The following ACTR3C variants were observed in gnomAD, a reference collection of about 807,000 sequenced individuals.
ACTR3C encodes actin related protein 3C, also known as actin-related protein 3C.
A neutral mutation model predicts 26.3 loss-of-function variants in ACTR3C; 18 were observed. The observed-to-expected ratio is 0.68, with a 90% CI of 0.47 to 1.01. ACTR3C has a LOEUF of 1.01. Ranked by LOEUF, ACTR3C falls within the 50% of genes least tolerant of loss-of-function variation. The probability of loss-of-function intolerance (pLI) is 0.00; values close to 1 mark genes in which losing one functional copy is unlikely to be tolerated. For synonymous variants in ACTR3C, 55 were observed against 94.5 expected, an observed-to-expected ratio of 0.58 and a Z score of 2.42; for missense variants, 184 against 250.7, an observed-to-expected ratio of 0.73 and a Z score of 1.80.
chr7:150,164,786 C>A, the ACTR3C span, among the ~76,000 whole-genome samples: 1,895 of 152,192 alleles, frequency 0.012, 32 homozygotes, highest in African/African-American at 0.043. Context: ...AGACAGAATT[C>A]TCATTTGGAA....
At chr7:150,034,280 G>A in the ACTR3C span, among the ~76,000 whole-genome samples, 146 of 151,634 alleles carry the variant, frequency 9.6e-4, no homozygotes, top group South Asian at 0.03. Context: ...GTTTAGAGAC[G>A]TAGGCTACCG....
At chr7:150,256,125 A>T (rs1325872510) in intron 6 of ACTR3C, among the ~76,000 whole-genome samples, 1 of 152,238 alleles carries the variant, frequency 6.6e-6, no homozygotes, top group Non-Finnish European at 1.5e-5. Flanking sequence ...ATGACAGTGT[A>T]GTATTCCATG....
the ACTR3C span, among the ~76,000 whole-genome samples, chr7:150,179,375 T>C: frequency 7.9e-6 from 1 of 125,980 alleles, no homozygotes; most frequent in East Asian, 2.3e-4. Flanking sequence ...CCGTAAGAAA[T>C]ACCCTTTCAG....
At chr7:150,155,024 G>A in the ACTR3C span, among the ~76,000 whole-genome samples, 3 of 152,132 alleles carry the variant, frequency 2.0e-5, no homozygotes, top group Non-Finnish European at 4.4e-5. Context: ...AAGAAGAATC[G>A]ACCTGGCTGG....
chr7:150,273,257 T>G (rs1383338879), intron 6 of ACTR3C, among the ~76,000 whole-genome samples: 1 of 138,328 alleles, frequency 7.2e-6, no homozygotes, highest in Admixed American at 7.1e-5. Flanking sequence ...CTGCTTTATT[T>G]CACTGCTTAT....
intron 6 of ACTR3C, among the ~76,000 whole-genome samples, chr7:150,253,133 C>T (rs968919268): frequency 1.1e-4 from 16 of 152,050 alleles, no homozygotes; most frequent in African/African-American, 3.9e-4. Flanking sequence ...TCTGCCCACG[C>T]CGTGTAAAGA....
At chr7:150,041,337 T>C in the ACTR3C span, 1 of 151,034 alleles carries the variant, frequency 6.6e-6, no homozygotes, top group African/African-American at 2.5e-5. Context: ...AGATTGCAAA[T>C]AACCTGCTTT....
the ACTR3C span, among the ~76,000 whole-genome samples, chr7:150,205,609 T>G: frequency 2.6e-5 from 4 of 152,142 alleles, no homozygotes; most frequent in Non-Finnish European, 4.4e-5. Flanking sequence ...ACAGTAACAC[T>G]TCCATTCTGC....
At chr7:150,036,674 G>A in the ACTR3C span, among the ~76,000 whole-genome samples, 3 of 139,622 alleles carry the variant, frequency 2.1e-5, no homozygotes, top group African/African-American at 7.6e-5. Context: ...CTTAAGCTCC[G>A]GTAGATTGCA....
the ACTR3C span, among the ~76,000 whole-genome samples, chr7:150,160,560 G>A: frequency 1.2e-4 from 19 of 152,280 alleles, no homozygotes; most frequent in South Asian, 3.7e-3. Flanking sequence ...GCATTTTGAT[G>A]TTTATATTTG....
At chr7:150,035,843 T>C in the ACTR3C span, among the ~76,000 whole-genome samples, 53 of 104,470 alleles carry the variant, frequency 5.1e-4, 7 homozygotes, top group South Asian at 9.6e-3. Context: ...GGGTTGCCTC[T>C]CCCCCCCTGC....
chr7:149,966,606 T>C, the ACTR3C span, among the ~76,000 whole-genome samples: 1 of 152,194 alleles, frequency 6.6e-6, no homozygotes, highest in East Asian at 1.9e-4. Context: ...ACTCCAGATC[T>C]TACAGCTGGC....
chr7:149,983,449 G>GTGTGTGTGTGTGTATATATATATATATA, the ACTR3C span, among the ~76,000 whole-genome samples: 10 of 23,306 alleles, frequency 4.3e-4, no homozygotes, highest in African/African-American at 1.5e-3. Context: ...GTGTGTGTGT[G>GTGTGTGTGTGTGTATATATATATATATA]TATATATATA....
At chr7:149,907,496 C>G in the ACTR3C span, among the ~76,000 whole-genome samples, 1 of 150,986 alleles carries the variant, frequency 6.6e-6, no homozygotes, top group Non-Finnish European at 1.5e-5. Flanking sequence ...CTCTCTCTCT[C>G]TCTCTCTCTC....
At chr7:150,003,169 G>C in the ACTR3C span, 3 of 52,200 alleles carry the variant, frequency 5.7e-5, no homozygotes, top group Non-Finnish European at 1.3e-4. Flanking sequence ...GTGTGTGTGT[G>C]TGTGGTGTGT....
the ACTR3C span, among the ~76,000 whole-genome samples, chr7:150,180,292 G>C: frequency 6.7e-6 from 1 of 149,884 alleles, no homozygotes; most frequent in African/African-American, 2.5e-5. Context: ...GCGACAGAGC[G>C]AGACTCCATA....
chr7:150,039,383 T>C, the ACTR3C span, among the ~76,000 whole-genome samples: 1,182 of 71,130 alleles, frequency 0.017, 13 homozygotes, highest in Middle Eastern at 0.029. Context: ...ATGGGGGTCC[T>C]AAGAACCCGG....
downstream of ACTR3C, among the ~76,000 whole-genome samples, chr7:150,239,896 C>G (rs1056898470): frequency 3.3e-5 from 5 of 151,958 alleles, no homozygotes; most frequent in Non-Finnish European, 7.4e-5. Context: ...AGACCACAGG[C>G]AGGCACCACC....
At chr7:150,087,025 G>A in the ACTR3C span, among the ~76,000 whole-genome samples, 1 of 152,108 alleles carries the variant, frequency 6.6e-6, no homozygotes, top group Non-Finnish European at 1.5e-5. Context: ...CTAAAGGTTT[G>A]TCCACATAAA....
Sources: gnomAD v4.1 joint callset for allele counts (sites outside exome capture counted in the v4.1 genomes callset) on GRCh38, gnomAD v4.1.1 for gene constraint, MANE v1.5 for transcripts, NCBI Gene and HGNC (gene_info 2026-07-23, HGNC 2026-07-21) for gene names.